The following ARHGAP20 variants were observed in gnomAD, a reference collection of about 807,000 sequenced individuals.
ARHGAP20 encodes rho GTPase-activating protein 20.
Under a neutral mutation model 73.7 loss-of-function variants are expected in ARHGAP20, and 34 were observed. That is an observed-to-expected ratio of 0.46 (90% CI 0.35 to 0.61). The LOEUF is 0.61. Ranked by LOEUF, ARHGAP20 falls within the 20% of genes least tolerant of loss-of-function variation. The pLI is 0.00. For synonymous variants in ARHGAP20, 523 were observed against 518.2 expected, an observed-to-expected ratio of 1.01 and a Z score of -0.13; for missense variants, 1,314 against 1,420.9, an observed-to-expected ratio of 0.92 and a Z score of 1.21.
At chr11:110,690,749 T>A in intron 1 of ARHGAP20, 120 bp from the exon 2 acceptor site, 1 of 988,162 alleles carries the variant, frequency 1.0e-6, no homozygotes, top group Non-Finnish European at 1.5e-6. Flanking sequence ...TCAAGGAGCC[T>A]ACAGTTTCAT....
At chr11:110,596,848 T>C (rs2134846121) in intron 9 of ARHGAP20, among the ~76,000 whole-genome samples, 1 of 152,282 alleles carries the variant, frequency 6.6e-6, no homozygotes, top group South Asian at 2.1e-4. Flanking sequence ...ACATGTATGT[T>C]TATTGCGGCA....
At chr11:110,639,566 T>A (rs893522941) in intron 2 of ARHGAP20, among the ~76,000 whole-genome samples, 1 of 152,074 alleles carries the variant, frequency 6.6e-6, no homozygotes, top group Non-Finnish European at 1.5e-5. Context: ...TAGGTTTTTC[T>A]ATAAGCAGTC....
At chr11:110,659,837 C>T (rs1285769506) in intron 2 of ARHGAP20, among the ~76,000 whole-genome samples, 17 of 147,538 alleles carry the variant, frequency 1.2e-4, no homozygotes, top group African/African-American at 2.7e-4. Context: ...TCTCACTCAT[C>T]GGTGGGAACT....
At chr11:110,614,667 C>T (rs935761777) in intron 5 of ARHGAP20, 22 bp from the exon 6 acceptor site, 5 of 1,504,532 alleles carry the variant, frequency 3.3e-6, no homozygotes, top group Non-Finnish European at 4.5e-6. Flanking sequence ...CAACAGCAAC[C>T]CAAAACAACA....
At chr11:110,702,816 C>T (rs571266866) in intron 1 of ARHGAP20, among the ~76,000 whole-genome samples, 2 of 152,192 alleles carry the variant, frequency 1.3e-5, no homozygotes, top group Admixed American at 1.3e-4. Context: ...ACCTAGGAAT[C>T]CAACTTATGA....
At chr11:110,692,498 C>T (rs1950262985) in intron 1 of ARHGAP20, among the ~76,000 whole-genome samples, 1 of 152,090 alleles carries the variant, frequency 6.6e-6, no homozygotes, top group African/African-American at 2.4e-5. Flanking sequence ...CCTCTGTCTG[C>T]TTTGACCTTG....
At chr11:110,646,182 A>T (rs1258126422) in intron 2 of ARHGAP20, among the ~76,000 whole-genome samples, 1 of 152,212 alleles carries the variant, frequency 6.6e-6, no homozygotes, top group Non-Finnish European at 1.5e-5. Context: ...TGTATTATAC[A>T]TACAAATTAC....
At chr11:110,648,232 TATATGTAA>T (rs1949262959) in intron 2 of ARHGAP20, among the ~76,000 whole-genome samples, 1 of 88,018 alleles carries the variant, frequency 1.1e-5, no homozygotes, top group African/African-American at 4.7e-5. Flanking sequence ...TATATATATA[TATATGTAA>T]ATATATATAT....
chr11:110,665,994 C>T (rs1323888581), intron 2 of ARHGAP20, among the ~76,000 whole-genome samples: 1 of 149,516 alleles, frequency 6.7e-6, no homozygotes, highest in Non-Finnish European at 1.5e-5. Flanking sequence ...CACACACACA[C>T]GTATATATGC....
Position 110,578,704 on chromosome 11 carries a change from C to T in ARHGAP20, c.*666G>A, listed in dbSNP as rs961496525. ...CTTCAACATGAATGAAAAAACAAAC[C>T]GACAAATACAACCAACAAAACTGAT... On this transcript the variant is annotated 3_prime_UTR_variant, in exon 15 of 15. Transcript: ENST00000683387. The T allele has an allele frequency of 2.4e-5, 24 of 985,298 alleles. No homozygotes were observed. The African/African-American group carries it at 2.6e-4, about 11-fold the overall frequency. The allele number at this position is 985,298 out of a possible 1,614,324, so 61.0% of individuals were successfully genotyped here.
At chr11:110,644,699 C>T (rs180797465) in intron 2 of ARHGAP20, among the ~76,000 whole-genome samples, 136 of 152,154 alleles carry the variant, frequency 8.9e-4, no homozygotes, top group African/African-American at 3.2e-3. Context: ...TAGAAGAAAA[C>T]CTAGGAAATA....
chr11:110,595,676 C>T (rs1307055123), intron 9 of ARHGAP20, among the ~76,000 whole-genome samples: 1 of 152,198 alleles, frequency 6.6e-6, no homozygotes, highest in African/African-American at 2.4e-5. Flanking sequence ...ATTCCATGCT[C>T]ATGGGTAAGA....
intron 2 of ARHGAP20, among the ~76,000 whole-genome samples, chr11:110,651,655 A>T (rs1442080867): frequency 1.3e-5 from 2 of 151,952 alleles, no homozygotes; most frequent in African/African-American, 2.4e-5. Flanking sequence ...GGACACATAC[A>T]CCCACCCAAG....
intron 11 of ARHGAP20, among the ~76,000 whole-genome samples, chr11:110,589,944 A>C (rs989097672): frequency 6.6e-6 from 1 of 152,120 alleles, no homozygotes; most frequent in East Asian, 1.9e-4. Flanking sequence ...AACATGGTGA[A>C]ACCCCATCTC....
At chr11:110,620,405 C>T (rs78723288) in intron 4 of ARHGAP20, among the ~76,000 whole-genome samples, 6,023 of 152,194 alleles carry the variant, frequency 0.04, 374 homozygotes, top group African/African-American at 0.13. Flanking sequence ...CTCACCTCAG[C>T]CTTTCAAGCA....
chr11:110,652,486 C>T (rs1199665627), intron 2 of ARHGAP20, among the ~76,000 whole-genome samples: 1 of 152,098 alleles, frequency 6.6e-6, no homozygotes, highest in Non-Finnish European at 1.5e-5. Flanking sequence ...CTGAAAACCT[C>T]CTTCGTCTCA....
chr11:110,674,098 C>G (rs956639685), intron 2 of ARHGAP20, among the ~76,000 whole-genome samples: 1 of 151,976 alleles, frequency 6.6e-6, no homozygotes, highest in African/African-American at 2.4e-5. Flanking sequence ...GTCACCACAC[C>G]CAGCTAACTT....
intron 11 of ARHGAP20, chr11:110,589,672 T>C (rs1947771606): frequency 1.0e-6 from 1 of 985,280 alleles, no homozygotes. Context: ...TCCAAGAATG[T>C]GGGGGCAGAA....
intron 2 of ARHGAP20, among the ~76,000 whole-genome samples, chr11:110,671,677 T>C (rs1328483416): frequency 3.3e-5 from 5 of 152,088 alleles, no homozygotes; most frequent in Non-Finnish European, 7.4e-5. Flanking sequence ...TGTATTTCTA[T>C]ATATTAGCAA....
Sources: gnomAD v4.1 joint callset for allele counts (sites outside exome capture counted in the v4.1 genomes callset) on GRCh38, gnomAD v4.1.1 for gene constraint, MANE v1.5 for transcripts, NCBI Gene and HGNC (gene_info 2026-07-23, HGNC 2026-07-21) for gene names.